Variants in KAT5 observed in about 807,000 individuals in gnomAD.
The protein encoded by KAT5 is lysine acetyltransferase 5.
A neutral mutation model predicts 68.1 loss-of-function variants in KAT5; 31 were observed. That is an observed-to-expected ratio of 0.46 (90% CI 0.34 to 0.61). The LOEUF (loss-of-function observed/expected upper bound fraction) is 0.61. Among genes scored for constraint, KAT5 ranks in the 20% least tolerant of loss-of-function variants. The pLI is 0.01. For synonymous variants in KAT5, 365 were observed against 292.6 expected, an observed-to-expected ratio of 1.25 and a Z score of -2.52; for missense variants, 451 against 725.5, an observed-to-expected ratio of 0.62 and a Z score of 4.35.
rs961391196 is a variant in KAT5, at chr11:65,719,443, A to G, written c.*262A>G. The G allele has an allele frequency of 1.7e-6, 1 of 602,966 alleles. No homozygotes were observed. The highest frequency in any genetic ancestry group is 2.9e-6 in the Non-Finnish European group (1 of 341,022). 37.4% of individuals were successfully genotyped at this position (602,966 alleles called of 1,614,324 possible). ...CAGAGGGAGCCAGGCAGCTGTGTACAGTGAGAAGGGATCCGGATGGGGGAG... is the reference window on the plus strand; with the variant it reads ...CAGAGGGAGCCAGGCAGCTGTGTACGGTGAGAAGGGATCCGGATGGGGGAG... On this transcript the variant is annotated 3_prime_UTR_variant, in exon 13 of 13. Coordinates refer to ENST00000341318, the MANE Select transcript of KAT5 (RefSeq NM_182710.3).
At chr11:65,712,241 C>T, upstream of KAT5, 1 of 1,401,262 alleles carries the variant, frequency 7.1e-7, no homozygotes, top group South Asian at 1.7e-5. Flanking sequence ...CCCAGAGGGG[C>T]CGGAAGTGGC....
Position 65,719,329 on chromosome 11 carries a change from A to AC in KAT5, c.*149dup. ...GAGAGGACAGGCCTGGCAGGGGCCC[A>AC]CTGGTGCCCAGCACCAAGGCGAGCT... On this transcript the variant is annotated 3_prime_UTR_variant, in exon 13 of 13. Transcript: ENST00000341318. 1 of 992,460 alleles carries AC rather than the reference A, an allele frequency of 1.0e-6. No individual in the cohort carries two copies. Among genetic ancestry groups the AC allele is most frequent in the Non-Finnish European group, 1.4e-6 (1 of 692,204 alleles). The allele number at this position is 992,460 out of a possible 1,614,324, so 61.5% of individuals were successfully genotyped here.
Position 65,718,769 on chromosome 11 carries a change from C to T in KAT5, c.1424+20C>T. ...CATCAAGTGAGCCTGGCGCTGTCTA[C>T]CTGGGGGTACATGGCATGGCTTGTC... On this transcript the variant is annotated intron_variant, in intron 11 of 12. Transcript: ENST00000341318. 1.2e-6 allele frequency: 2 copies of T among 1,614,104 alleles called. No individual in the cohort carries two copies. Among genetic ancestry groups the T allele is most frequent in the Non-Finnish European group, 1.7e-6 (2 of 1,179,966 alleles).
At chr11:65,717,155 C>T (rs1857225255) in intron 10 of KAT5, 173 bp downstream of exon 10, 1 of 619,902 alleles carries the variant, frequency 1.6e-6, no homozygotes, top group South Asian at 1.9e-5. Flanking sequence ...GGCTGACTGC[C>T]CTGCTTATCT....
At chr11:65,713,948 G>A (rs759814691) in intron 6 of KAT5, 100 bp downstream of exon 6, 6 of 1,087,386 alleles carry the variant, frequency 5.5e-6, no homozygotes, top group Admixed American at 4.3e-5. Context: ...AAGAAGGGGT[G>A]GTGGGCAGAG....
In KAT5 at chr11:65,716,770, A is replaced by C; in HGVS notation, c.1133A>C (p.Asp378Ala). 1 of 1,614,122 alleles carries C rather than the reference A, an allele frequency of 6.2e-7. No individual in the cohort carries two copies. The highest frequency in any genetic ancestry group is 2.2e-5 in the East Asian group (1 of 44,888). The change falls in exon 9 of 13, where the codon GAC (aspartate) becomes GCC (alanine). Residue 378 changes from aspartate (D) to alanine (A), a missense_variant. Physicochemically the swap from Asp to Ala is moderately radical, Grantham distance 126 (BLOSUM62 -2). Coordinates refer to ENST00000341318, the MANE Select transcript of KAT5 (RefSeq NM_182710.3). ...CTCTTCTACGTCATGACAGAGTATG[A>C]CTGTAAGGGCTTCCACATCGTGGGC... The part of the protein sequence containing the change: ...PFLFYVMTEY[D>A]CKGFHIVGYF...
rs1361661638 is a variant in KAT5, at chr11:65,716,762, A to G, written c.1125A>G (p.Thr375=). The change falls in exon 9 of 13, where the codon ACA becomes ACG. Residue 375 remains threonine, a synonymous_variant. Transcript: ENST00000341318. ...DTDPFLFYVM[T]EYDCKGFHIV... ...ACCCTTTCCTCTTCTACGTCATGAC[A>G]GAGTATGACTGTAAGGGCTTCCACA... The G allele has an allele frequency of 1.9e-6, 3 of 1,613,878 alleles. No homozygotes were observed. Among genetic ancestry groups the G allele is most frequent in the African/African-American group, 2.7e-5 (2 of 74,934 alleles).
chr11:65,719,313 G>C lies in KAT5; in HGVS notation c.*132G>C. 1.8e-6 allele frequency: 2 copies of C among 1,128,954 alleles called. No individual in the cohort carries two copies. Among genetic ancestry groups the C allele is most frequent in the South Asian group, 1.6e-5 (1 of 63,526 alleles). The allele number at this position is 1,128,954 out of a possible 1,614,324, so 69.9% of individuals were successfully genotyped here. Reference sequence around the variant, plus strand: ...AGGACAGCTCAAAAAGGAGAGGACAGGCCTGGCAGGGGCCCACTGGTGCCC... The same window carrying C: ...AGGACAGCTCAAAAAGGAGAGGACACGCCTGGCAGGGGCCCACTGGTGCCC... On this transcript the variant is annotated 3_prime_UTR_variant, in exon 13 of 13. Coordinates refer to ENST00000341318, the MANE Select transcript of KAT5 (RefSeq NM_182710.3).
intron 8 of KAT5, 102 bp from the exon 9 acceptor site, chr11:65,716,565 C>A: frequency 8.8e-7 from 1 of 1,136,824 alleles, no homozygotes; most frequent in Non-Finnish European, 1.3e-6. Context: ...CACCTAGCAG[C>A]CTGGGGCATA....
In KAT5 at chr11:65,713,023, C is replaced by T. The variant is rs115896676; in HGVS notation, c.349C>T (p.Pro117Ser). The T allele has an allele frequency of 1.9e-6, 3 of 1,613,514 alleles. No individual in the cohort carries two copies. The highest frequency in any genetic ancestry group is 1.3e-5 in the African/African-American group (1 of 74,904). ...EAKTPTKNGLPGSRPGSPERE... is the reference protein window; with the variant it reads ...EAKTPTKNGLSGSRPGSPERE... ...CAAGACCCCCACTAAGAACGGACTT[C>T]CTGGGTCCCGTCCTGGCTCTCCAGA... Residue 117 changes from proline to serine, a missense_variant, in exon 3 of 13, where the codon CCT becomes TCT. Pro to Ser is a moderately conservative substitution (Grantham distance 74, BLOSUM62 -1). Transcript: ENST00000341318.
chr11:65,716,136 G>A (rs1280943941), intron 8 of KAT5: 1 of 153,548 alleles, frequency 6.5e-6, no homozygotes, highest in Non-Finnish European at 1.4e-5. Context: ...CAGTTATTTT[G>A]TTAAATTCCA....
At chr11:65,716,494 A>G (rs528056427) in intron 8 of KAT5, 173 bp from the exon 9 acceptor site, 3 of 624,546 alleles carry the variant, frequency 4.8e-6, no homozygotes, top group South Asian at 3.8e-5. Flanking sequence ...ACTGAGGAGC[A>G]GCCCTGCCTA....
At chr11:65,716,588 A>T in intron 8 of KAT5, 79 bp from the exon 9 acceptor site, 1 of 1,401,808 alleles carries the variant, frequency 7.1e-7, no homozygotes. Flanking sequence ...ACGAACAGTG[A>T]AGCTCCTGGT....
chr11:65,717,068 C>T, intron 10 of KAT5, 86 bp downstream of exon 10: 1 of 1,087,990 alleles, frequency 9.2e-7, no homozygotes, highest in South Asian at 1.3e-5. Context: ...TGATTCTCAA[C>T]CCTGGCTGTG....
rs994500584 is a variant in KAT5, at chr11:65,717,054, A to C, written c.1264+72A>C. Reference sequence around the variant, plus strand: ...GCCTCACAGGCAGATGGGCCAGGCTACTGTGATTCTCAACCCTGGCTGTGC... The same window carrying C: ...GCCTCACAGGCAGATGGGCCAGGCTCCTGTGATTCTCAACCCTGGCTGTGC... On this transcript the variant is annotated intron_variant, in intron 10 of 12. Transcript: ENST00000341318. 3 of 1,184,086 alleles carry C rather than the reference A, an allele frequency of 2.5e-6. No individual in the cohort carries two copies. In the African/African-American group the frequency reaches 4.5e-5, roughly 18 times the overall value. The allele number at this position is 1,184,086 out of a possible 1,614,324, so 73.3% of individuals were successfully genotyped here.
At chr11:65,712,719 C>T in intron 1 of KAT5, 47 bp from the exon 2 acceptor site, 1 of 1,604,434 alleles carries the variant, frequency 6.2e-7, no homozygotes, top group Non-Finnish European at 8.5e-7. Context: ...AGGGTGGAGT[C>T]TCATAGCCTG....
At chr11:65,712,551 G>A in intron 1 of KAT5, 106 bp downstream of exon 1, 2 of 1,386,882 alleles carry the variant, frequency 1.4e-6, no homozygotes, top group Non-Finnish European at 2.0e-6. Flanking sequence ...GGCGGGCGAG[G>A]CGCAGATACT....
At position 65,716,931 on chromosome 11, in the gene KAT5, A is replaced by T; in HGVS notation, c.1213A>T (p.Thr405Ser). 1 of 1,614,022 alleles carries T rather than the reference A, an allele frequency of 6.2e-7. No individual in the cohort carries two copies. Among genetic ancestry groups the T allele is most frequent in the Non-Finnish European group, 8.5e-7 (1 of 1,179,976 alleles). Reference sequence around the variant, plus strand: ...AGACTACAATGTGGCCTGCATCCTAACCCTGCCTCCCTACCAGCGCCGGGG... The same window carrying T: ...AGACTACAATGTGGCCTGCATCCTATCCCTGCCTCCCTACCAGCGCCGGGG... ...TEDYNVACIL[T>S]LPPYQRRGYG... The change falls in exon 10 of 13, where the codon ACC (threonine) becomes TCC (serine). Residue 405 changes from threonine to serine, a missense_variant. Transcript: ENST00000341318.
chr11:65,712,485 C>T (rs776155216), intron 1 of KAT5, 40 bp downstream of exon 1: 38 of 1,505,186 alleles, frequency 2.5e-5, no homozygotes, highest in Admixed American at 1.2e-4. Context: ...AACCTGAGGG[C>T]GAGGGGCGGG....
Sources: gnomAD v4.1 joint callset for allele counts on GRCh38, gnomAD v4.1.1 for gene constraint, MANE v1.5 for transcripts, NCBI Gene and HGNC (gene_info 2026-07-23, HGNC 2026-07-21) for gene names.